MSRA: variants seen among roughly 807,000 people sequenced by gnomAD.
MSRA encodes mitochondrial peptide methionine sulfoxide reductase.
MSRA carries 54 observed loss-of-function variants against 31.3 expected under a neutral mutation model. The ratio of observed to expected loss-of-function variants is 1.73; its 90% CI spans 1.39 to 2.17. The LOEUF is 2.17. Among genes scored for constraint, MSRA ranks in the 30% most tolerant of loss-of-function variants. The pLI is 0.00. For synonymous variants in MSRA, 169 were observed against 116.5 expected, an observed-to-expected ratio of 1.45 and a Z score of -2.90; for missense variants, 507 against 300.9, an observed-to-expected ratio of 1.69 and a Z score of -5.07.
At chr8:10,354,532 G>A (rs1804389938) in intron 5 of MSRA, among the ~76,000 whole-genome samples, 1 of 151,996 alleles carries the variant, frequency 6.6e-6, no homozygotes, top group African/African-American at 2.4e-5. Flanking sequence ...AAACATTTTG[G>A]TATGTATGCT....
intron 1 of MSRA, among the ~76,000 whole-genome samples, chr8:10,148,837 A>G (rs1287467333): frequency 6.6e-6 from 1 of 151,880 alleles, no homozygotes; most frequent in Non-Finnish European, 1.5e-5. Flanking sequence ...TCTCAAAAAA[A>G]AAAAAAATCA....
chr8:10,217,292 A>C (rs531425220), intron 2 of MSRA, among the ~76,000 whole-genome samples: 1 of 152,148 alleles, frequency 6.6e-6, no homozygotes, highest in African/African-American at 2.4e-5. Context: ...AGCGGCGCGC[A>C]AGTCTCGTGG....
chr8:10,212,874 C>T (rs1223990090), intron 2 of MSRA, among the ~76,000 whole-genome samples: 1 of 152,000 alleles, frequency 6.6e-6, no homozygotes, highest in Non-Finnish European at 1.5e-5. Context: ...ATTCTTTGAA[C>T]CCATCATTAT....
intron 1 of MSRA, among the ~76,000 whole-genome samples, chr8:10,103,185 G>A (rs925779658): frequency 6.6e-6 from 1 of 152,068 alleles, no homozygotes; most frequent in African/African-American, 2.4e-5. Flanking sequence ...AACATGCGAG[G>A]TTTTATCAGA....
At chr8:10,365,016 G>A (rs1340780639) in intron 5 of MSRA, among the ~76,000 whole-genome samples, 1 of 151,918 alleles carries the variant, frequency 6.6e-6, no homozygotes, top group African/African-American at 2.4e-5. Context: ...CTCTTTATCT[G>A]CTTTGTCCCC....
intron 1 of MSRA, among the ~76,000 whole-genome samples, chr8:10,120,506 C>T (rs1303298909): frequency 6.6e-6 from 1 of 152,166 alleles, no homozygotes; most frequent in African/African-American, 2.4e-5. Flanking sequence ...AAATACTAAG[C>T]TAAAATGTTT....
intron 3 of MSRA, among the ~76,000 whole-genome samples, chr8:10,258,038 C>A (rs770828720): frequency 2.6e-5 from 4 of 152,102 alleles, no homozygotes; most frequent in Admixed American, 6.6e-5. Flanking sequence ...TGGCATAATT[C>A]TAAATTCTTT....
Position 10,181,858 on chromosome 8 carries a change from T to A in MSRA, c.143-25975T>A, listed in dbSNP as rs570843641. Among the ~76,000 whole-genome samples the A allele has an allele frequency of 1.8e-4, 28 of 152,344 alleles. 1 individual carries two copies. The highest frequency in any genetic ancestry group is 6.3e-4 in the African/African-American group (26 of 41,578). ...CACTTCTACCCTTGGGTCATGTACC[T>A]GCATGGGAAAAGCCTTTATCCTGAC... On this transcript the variant is annotated intron_variant, in intron 1 of 5. Coordinates refer to ENST00000317173, the MANE Select transcript of MSRA (RefSeq NM_012331.5).
intron 2 of MSRA, among the ~76,000 whole-genome samples, chr8:10,216,989 C>G (rs375401106): frequency 6.6e-6 from 1 of 152,192 alleles, no homozygotes; most frequent in Non-Finnish European, 1.5e-5. Flanking sequence ...ATATCATTTT[C>G]CAAAACGGCT....
intron 4 of MSRA, among the ~76,000 whole-genome samples, chr8:10,317,687 G>A (rs1264752016): frequency 6.6e-6 from 1 of 152,198 alleles, no homozygotes; most frequent in Non-Finnish European, 1.5e-5. Flanking sequence ...AACACTGAAA[G>A]TCCACTGCTT....
At chr8:10,377,933 G>C (rs1443052169) in intron 5 of MSRA, among the ~76,000 whole-genome samples, 1 of 152,266 alleles carries the variant, frequency 6.6e-6, no homozygotes, top group Non-Finnish European at 1.5e-5. Flanking sequence ...CTGCGCTTGA[G>C]CTTAGGTGAT....
intron 3 of MSRA, among the ~76,000 whole-genome samples, chr8:10,298,219 G>T (rs565144033): frequency 1.5e-4 from 23 of 152,274 alleles, no homozygotes; most frequent in African/African-American, 3.9e-4. Context: ...AAAGGTAGAG[G>T]CAACCCACAT....
chr8:10,353,114 C>T (rs915064416), intron 5 of MSRA, among the ~76,000 whole-genome samples: 1 of 152,130 alleles, frequency 6.6e-6, no homozygotes, highest in Non-Finnish European at 1.5e-5. Flanking sequence ...CAGGCCTGAG[C>T]CACAGACAGG....
At chr8:10,100,575 G>A (rs1476521070) in intron 1 of MSRA, among the ~76,000 whole-genome samples, 3 of 152,118 alleles carry the variant, frequency 2.0e-5, no homozygotes, top group African/African-American at 7.2e-5. Flanking sequence ...GGTGAAACAG[G>A]GGAGGATGAG....
chr8:10,320,953 G>T (rs577693566), intron 5 of MSRA, among the ~76,000 whole-genome samples: 1 of 152,110 alleles, frequency 6.6e-6, no homozygotes, highest in South Asian at 2.1e-4. Context: ...GTAAAGACCC[G>T]TTCTCCAAGG....
intron 1 of MSRA, among the ~76,000 whole-genome samples, chr8:10,141,583 T>A (rs1344645555): frequency 6.6e-6 from 1 of 152,192 alleles, no homozygotes; most frequent in African/African-American, 2.4e-5. Flanking sequence ...TGGAGTCACA[T>A]CCCAGCCTTC....
chr8:10,244,171 A>G (rs1004460212), intron 2 of MSRA, among the ~76,000 whole-genome samples: 4 of 152,202 alleles, frequency 2.6e-5, no homozygotes, highest in African/African-American at 9.6e-5. Context: ...TCTCAGTTAT[A>G]CGTAACTTCA....
rs192201404 is a variant in MSRA, at chr8:10,213,626, C to T, written c.211+5725C>T. Among the ~76,000 whole-genome samples, 23 of 151,812 alleles carry T rather than the reference C, an allele frequency of 1.5e-4. 1 individual carries two copies. In the South Asian group the frequency reaches 3.8e-3, roughly 25 times the overall value. On this transcript the variant is annotated intron_variant, in intron 2 of 5. Coordinates refer to ENST00000317173, the MANE Select transcript of MSRA (RefSeq NM_012331.5). ...TAATTTTCTGTCTTTTTAGTAGAGA[C>T]GGGGTTTCACCATGTTAGCCAGGAT...
At chr8:10,296,664 C>A (rs1237114889) in intron 3 of MSRA, among the ~76,000 whole-genome samples, 1 of 152,168 alleles carries the variant, frequency 6.6e-6, no homozygotes, top group Non-Finnish European at 1.5e-5. Flanking sequence ...GCACTAATCA[C>A]CCAGTTTGCA....
Sources: gnomAD v4.1 joint callset for allele counts (sites outside exome capture counted in the v4.1 genomes callset) on GRCh38, gnomAD v4.1.1 for gene constraint, MANE v1.5 for transcripts, NCBI Gene and HGNC (gene_info 2026-07-23, HGNC 2026-07-21) for gene names.